The following COX10 variants were observed in gnomAD, a reference collection of about 807,000 sequenced individuals.
The protein encoded by COX10 is protoheme IX farnesyltransferase, mitochondrial.
Under a neutral mutation model 37.3 loss-of-function variants are expected in COX10, and 27 were observed. The observed-to-expected ratio is 0.72, with a 90% confidence interval of 0.53 to 1.00. The LOEUF is 1.00. Ranked by LOEUF, COX10 falls within the 50% of genes least tolerant of loss-of-function variation. COX10 has a pLI of 0.00. For missense variants in COX10, 475 were observed against 563.2 expected (o/e 0.84, Z 1.59); for synonymous variants, 222 against 229.1 (o/e 0.97, Z 0.28).
chr17:14,173,498 AGCAAAGAT>A (rs1265332868), intron 5 of COX10, among the ~76,000 whole-genome samples: 1 of 152,264 alleles, frequency 6.6e-6, no homozygotes, highest in African/African-American at 2.4e-5. Flanking sequence ...GAACATGGTG[AGCAAAGAT>A]GCAAAGATGG....
intron 3 of COX10, among the ~76,000 whole-genome samples, chr17:14,079,854 ATATATGTATGTATG>A (rs1466724860): frequency 3.7e-5 from 1 of 27,050 alleles, no homozygotes; most frequent in African/African-American, 1.3e-4. Flanking sequence ...ATATATATAT[ATATATGTATGTATG>A]TATGTATGTA....
intron 5 of COX10, among the ~76,000 whole-genome samples, chr17:14,166,484 T>C (rs1905286582): frequency 6.6e-6 from 1 of 152,186 alleles, no homozygotes; most frequent in Non-Finnish European, 1.5e-5. Context: ...CTTCAAAATA[T>C]TACTGCTTAT....
chr17:14,106,429 A>G lies in COX10; in HGVS notation c.624+4187A>G, dbSNP rs78578029. Among the ~76,000 whole-genome samples the G allele has an allele frequency of 4.0e-3, 610 of 152,324 alleles. 2 individuals are homozygous for G. Among genetic ancestry groups the G allele is most frequent in the Admixed American group, 7.9e-3 (121 of 15,292 alleles). The stretch of plus-strand genomic sequence containing the variant: ...GTTTTTGTCCATGTAAACAATGCTG[A>G]GCTGAAATTCTTTTAGCTAAATCTT... On this transcript the variant is annotated intron_variant, in intron 4 of 6. Transcript: ENST00000261643.
chr17:14,074,433 C>T lies in COX10; in HGVS notation c.154C>T (p.His52Tyr). The T allele has an allele frequency of 1.2e-6, 2 of 1,613,858 alleles. No individual in the cohort carries two copies. Among genetic ancestry groups the T allele is most frequent in the Admixed American group, 3.3e-5 (2 of 60,020 alleles). The stretch of plus-strand genomic sequence containing the variant: ...CAATAAGCAGTGGATTACATTTCAG[C>T]ACTTTAGCTTCCTCAAACGCATGGT... Reference protein sequence around the residue: ...NVNKQWITFQHFSFLKRMYVT... With the variant: ...NVNKQWITFQYFSFLKRMYVT... Residue 52 changes from histidine (H) to tyrosine (Y), a missense_variant, in exon 2 of 7, where the codon CAC (histidine) becomes TAC (tyrosine). By Grantham distance (83) the His-to-Tyr change is moderately conservative. Transcript: ENST00000261643.
At chr17:14,112,213 A>G (rs929297194) in intron 4 of COX10, among the ~76,000 whole-genome samples, 1 of 152,194 alleles carries the variant, frequency 6.6e-6, no homozygotes, top group Admixed American at 6.6e-5. Flanking sequence ...GTAAACACTC[A>G]GTGAACATTC....
At chr17:14,137,787 T>G (rs1904418335) in intron 4 of COX10, among the ~76,000 whole-genome samples, 1 of 152,056 alleles carries the variant, frequency 6.6e-6, no homozygotes, top group African/African-American at 2.4e-5. Flanking sequence ...TACCAGTTAT[T>G]GAATGCATTT....
At chr17:14,155,560 A>G (rs1905020161) in intron 4 of COX10, among the ~76,000 whole-genome samples, 1 of 151,882 alleles carries the variant, frequency 6.6e-6, no homozygotes, top group African/African-American at 2.4e-5. Flanking sequence ...TTAAAAATAC[A>G]AAAAATTAGC....
At chr17:14,106,096 C>T (rs1001525906) in intron 4 of COX10, among the ~76,000 whole-genome samples, 2 of 151,948 alleles carry the variant, frequency 1.3e-5, no homozygotes, top group Non-Finnish European at 2.9e-5. Context: ...TCACTGCAAC[C>T]TCCTCCACCT....
chr17:14,082,867 A>T (rs1006913825), intron 3 of COX10, among the ~76,000 whole-genome samples: 3 of 152,158 alleles, frequency 2.0e-5, no homozygotes, highest in Non-Finnish European at 4.4e-5. Context: ...TGCATGTTTG[A>T]TGAGGACACC....
At chr17:14,152,670 G>T (rs924175428) in intron 4 of COX10, among the ~76,000 whole-genome samples, 5 of 152,156 alleles carry the variant, frequency 3.3e-5, no homozygotes, top group Non-Finnish European at 5.9e-5. Context: ...GAACAACCTG[G>T]AATCTGTGAG....
At chr17:14,096,169 A>G (rs72816623) in intron 3 of COX10, among the ~76,000 whole-genome samples, 16,181 of 151,816 alleles carry the variant, frequency 0.11, 1,131 homozygotes, top group Non-Finnish European at 0.15. Flanking sequence ...ATGATAGTCT[A>G]TTAACCCATT....
At chr17:14,203,135 C>T (rs180901395) in intron 6 of COX10, among the ~76,000 whole-genome samples, 1 of 152,234 alleles carries the variant, frequency 6.6e-6, no homozygotes, top group East Asian at 1.9e-4. Flanking sequence ...AGACACCTGT[C>T]ATCTGTTTAC....
chr17:14,128,557 A>G (rs1916394068), intron 4 of COX10, among the ~76,000 whole-genome samples: 1 of 152,218 alleles, frequency 6.6e-6, no homozygotes, highest in Non-Finnish European at 1.5e-5. Context: ...CAAATTATCC[A>G]GAATTCTCCT....
At chr17:14,132,533 T>C (rs117329236) in intron 4 of COX10, among the ~76,000 whole-genome samples, 1,624 of 151,950 alleles carry the variant, frequency 0.011, 13 homozygotes, top group Non-Finnish European at 0.017. Context: ...TTTGTATTTT[T>C]AAATTTTTTA....
intron 4 of COX10, among the ~76,000 whole-genome samples, chr17:14,131,468 A>G (rs1357291929): frequency 6.6e-6 from 1 of 151,782 alleles, no homozygotes; most frequent in African/African-American, 2.4e-5. Context: ...TTTATTTTTT[A>G]TTTATTTTTC....
intron 5 of COX10, among the ~76,000 whole-genome samples, chr17:14,182,949 T>G (rs1204034966): frequency 2.6e-5 from 4 of 152,174 alleles, no homozygotes; most frequent in Non-Finnish European, 5.9e-5. Flanking sequence ...TAAAGCTTGT[T>G]TCTCTCTTAT....
chr17:14,155,785 GGGTAA>G (rs536428455), intron 4 of COX10, among the ~76,000 whole-genome samples: 4 of 151,982 alleles, frequency 2.6e-5, no homozygotes, highest in Admixed American at 6.6e-5. Flanking sequence ...TCTGCACTTT[GGGTAA>G]GGCTCATTGT....
intron 4 of COX10, among the ~76,000 whole-genome samples, chr17:14,104,282 C>T (rs539435880): frequency 1.3e-5 from 2 of 152,242 alleles, no homozygotes; most frequent in South Asian, 4.1e-4. Context: ...CAGTCAGCTT[C>T]CCAAATCATA....
At chr17:14,146,053 CT>C (rs1904705727) in intron 4 of COX10, among the ~76,000 whole-genome samples, 2 of 152,082 alleles carry the variant, frequency 1.3e-5, no homozygotes, top group Admixed American at 6.6e-5. Context: ...TTTTTATTAT[CT>C]TTTTTTCCTG....
Sources: gnomAD v4.1 joint callset for allele counts (sites outside exome capture counted in the v4.1 genomes callset) on GRCh38, gnomAD v4.1.1 for gene constraint, MANE v1.5 for transcripts, NCBI Gene and HGNC (gene_info 2026-07-23, HGNC 2026-07-21) for gene names.